Variants in COL21A1 observed in about 807,000 individuals in gnomAD.
The protein encoded by COL21A1 is collagen alpha-1(XXI) chain.
A neutral mutation model predicts 137.9 loss-of-function variants in COL21A1; 149 were observed. The observed-to-expected ratio is 1.08, with a 90% CI of 0.95 to 1.24. The LOEUF (loss-of-function observed/expected upper bound fraction) is 1.24, where lower values mean the gene tolerates loss of function less well. COL21A1 is among the 50% of genes most tolerant of loss of function. The pLI is 0.00. For synonymous variants in COL21A1, 456 were observed against 391.5 expected (o/e 1.16, Z -1.95); for missense variants, 1,167 against 1,158.4 (o/e 1.01, Z -0.11).
intron 1 of COL21A1, among the ~76,000 whole-genome samples, chr6:56,244,113 A>C (rs1036406638): frequency 1.3e-5 from 2 of 152,216 alleles, no homozygotes; most frequent in South Asian, 2.1e-4. Context: ...AAATGAACCT[A>C]AATGAATGCC....
intron 16 of COL21A1, among the ~76,000 whole-genome samples, chr6:56,116,396 TAAAAAAAAAAAAAAA>T (rs370697652): frequency 3.3e-5 from 3 of 90,818 alleles, no homozygotes; most frequent in Non-Finnish European, 4.1e-5. Context: ...GTGCCAAAGG[TAAAAAAAAAAAAAAA>T]AAAAAAAAAA....
rs766096055 is a variant in COL21A1 at position 56,084,548 on chromosome 6, GTAAA to G, written c.1813-6979_1813-6976del. 9.9e-5 allele frequency among the ~76,000 whole-genome samples: 15 copies of G among 151,970 alleles called. No homozygotes were observed. The South Asian group carries it at 2.5e-3, about 25-fold the overall frequency. On this transcript the variant is annotated intron_variant, in intron 17 of 29. Coordinates refer to ENST00000244728, the MANE Select transcript of COL21A1 (RefSeq NM_030820.4). ...TTTTTGAGTACTTAAGATAAACTAA[GTAAA>G]TAAATATATGTAAGAAGTGATAAAT...
chr6:56,146,272 C>A (rs1774828776), intron 10 of COL21A1, among the ~76,000 whole-genome samples: 1 of 152,028 alleles, frequency 6.6e-6, no homozygotes, highest in South Asian at 2.1e-4. Context: ...AAAATTCCAA[C>A]AGATAGTCTT....
intron 1 of COL21A1, among the ~76,000 whole-genome samples, chr6:56,270,983 G>A (rs1763511606): frequency 6.6e-6 from 1 of 152,140 alleles, no homozygotes; most frequent in South Asian, 2.1e-4. Flanking sequence ...GACTAATACA[G>A]GAAATTTGTA....
intron 12 of COL21A1, 122 bp downstream of exon 12, chr6:56,141,663 T>C: frequency 1.9e-6 from 2 of 1,046,460 alleles, no homozygotes; most frequent in East Asian, 2.4e-5. Context: ...CACTGACAAA[T>C]TTCTGAGCCC....
At chr6:56,177,084 A>C (rs1253619530) in intron 3 of COL21A1, among the ~76,000 whole-genome samples, 2 of 151,704 alleles carry the variant, frequency 1.3e-5, no homozygotes, top group African/African-American at 4.9e-5. Context: ...TAGTAGTAGA[A>C]GAGGAAGTGG....
intron 23 of COL21A1, among the ~76,000 whole-genome samples, chr6:56,066,412 C>T (rs1240311030): frequency 1.3e-5 from 2 of 151,822 alleles, no homozygotes; most frequent in African/African-American, 4.8e-5. Context: ...CTACAGCATT[C>T]AGAATTCTAC....
At chr6:56,295,878 T>C (rs909737932) in intron 1 of COL21A1, among the ~76,000 whole-genome samples, 3 of 151,996 alleles carry the variant, frequency 2.0e-5, no homozygotes, top group Non-Finnish European at 2.9e-5. Flanking sequence ...TCATGTCATC[T>C]GAAAACAATT....
At chr6:56,098,656 AATATATATAAAT>A (rs1295033301) in intron 17 of COL21A1, among the ~76,000 whole-genome samples, 3 of 20,392 alleles carry the variant, frequency 1.5e-4, no homozygotes, top group African/African-American at 1.0e-3. Context: ...TAAATATATA[AATATATATAAAT>A]ATATATATAA....
chr6:56,219,168 G>A (rs72876073), intron 1 of COL21A1, among the ~76,000 whole-genome samples: 4,297 of 141,054 alleles, frequency 0.03, 95 homozygotes, highest in Non-Finnish European at 0.052. Flanking sequence ...CTCAGTGGTT[G>A]AGCCAAGCCC....
At chr6:56,258,311 C>T (rs1277670169) in intron 1 of COL21A1, among the ~76,000 whole-genome samples, 1 of 152,030 alleles carries the variant, frequency 6.6e-6, no homozygotes, top group Non-Finnish European at 1.5e-5. Context: ...TCAGAGTCTG[C>T]CCTGTGCTCT....
intron 22 of COL21A1, among the ~76,000 whole-genome samples, chr6:56,067,563 T>C (rs1324656699): frequency 6.6e-6 from 1 of 151,746 alleles, no homozygotes; most frequent in African/African-American, 2.4e-5. Flanking sequence ...GAAAGAAATT[T>C]CACCACAATC....
chr6:56,099,224 A>ATT (rs765498868), intron 17 of COL21A1, among the ~76,000 whole-genome samples: 22 of 111,994 alleles, frequency 2.0e-4, no homozygotes, highest in East Asian at 7.2e-4. Context: ...CACAAACTAA[A>ATT]TTTTTTTTTT....
rs556904442 is a variant in COL21A1 at position 56,388,107 on chromosome 6, A to G, written c.-39+5864T>C. Among the ~76,000 whole-genome samples the G allele has an allele frequency of 8.5e-5, 13 of 152,274 alleles. No homozygotes were observed. The South Asian group carries it at 2.7e-3, about 32-fold the overall frequency. On this transcript the variant is annotated intron_variant, in intron 1 of 28. Transcript: ENST00000370819. ...AAATAAAGCACCAAGCAGATTCCCAAAGCCCCTGATTGCAAGCCTTAATTC... is the reference window on the plus strand; with the variant it reads ...AAATAAAGCACCAAGCAGATTCCCAGAGCCCCTGATTGCAAGCCTTAATTC...
chr6:56,320,511 C>T (rs1582778148), intron 1 of COL21A1, among the ~76,000 whole-genome samples: 2 of 99,784 alleles, frequency 2.0e-5, no homozygotes, highest in East Asian at 5.6e-4. Flanking sequence ...AGGTCCTACA[C>T]AATCTGAACA....
At chr6:56,244,801 T>C (rs1424248091) in intron 1 of COL21A1, among the ~76,000 whole-genome samples, 1 of 152,222 alleles carries the variant, frequency 6.6e-6, no homozygotes, top group Non-Finnish European at 1.5e-5. Flanking sequence ...AGAATGGAAA[T>C]TAATTTCAAA....
At chr6:56,286,572 A>G (rs1428748861) in intron 1 of COL21A1, among the ~76,000 whole-genome samples, 1 of 152,226 alleles carries the variant, frequency 6.6e-6, no homozygotes, top group South Asian at 2.1e-4. Flanking sequence ...AGCATTTAGC[A>G]CGGGGCTGAG....
At chr6:56,112,001 A>C (rs1174881138) in intron 16 of COL21A1, among the ~76,000 whole-genome samples, 1 of 152,186 alleles carries the variant, frequency 6.6e-6, no homozygotes, top group Non-Finnish European at 1.5e-5. Flanking sequence ...TTTCTAAAAA[A>C]AAAAAATTAG....
intron 17 of COL21A1, among the ~76,000 whole-genome samples, chr6:56,078,396 G>A (rs1370165975): frequency 6.6e-6 from 1 of 151,506 alleles, no homozygotes; most frequent in Non-Finnish European, 1.5e-5. Context: ...CATTTGAGCT[G>A]AAACAGTTAA....
Sources: allele counts gnomAD v4.1 joint callset (sites outside exome capture counted in the v4.1 genomes callset), GRCh38; gene constraint gnomAD v4.1.1; transcripts MANE v1.5; gene names NCBI Gene and HGNC (gene_info 2026-07-23, HGNC 2026-07-21).